Variants in CTNNA3 observed in about 807,000 individuals in gnomAD.
CTNNA3 encodes catenin alpha 3, also known as catenin alpha-3.
CTNNA3 carries 76 observed loss-of-function variants against 95.7 expected under a neutral mutation model. The ratio of observed to expected loss-of-function variants is 0.79; its 90% CI spans 0.66 to 0.96. The LOEUF (loss-of-function observed/expected upper bound fraction) is 0.96, where lower values mean the gene tolerates loss of function less well. Ranked by LOEUF, CTNNA3 falls within the 40% of genes least tolerant of loss-of-function variation. CTNNA3 has a pLI of 0.00. For missense variants in CTNNA3, 1,191 were observed against 1,089.8 expected (o/e 1.09, Z -1.31); for synonymous variants, 431 against 374.4 (o/e 1.15, Z -1.74).
chr10:67,591,797 A>G (rs1209706901), intron 3 of CTNNA3, among the ~76,000 whole-genome samples: 1 of 152,174 alleles, frequency 6.6e-6, no homozygotes, highest in Non-Finnish European at 1.5e-5. Flanking sequence ...TCTCCAAAAT[A>G]AATGAAAGAC....
intron 9 of CTNNA3, among the ~76,000 whole-genome samples, chr10:66,693,661 C>T (rs200531043): frequency 0.18 from 26,604 of 151,248 alleles, 2,977 homozygotes; most frequent in East Asian, 0.33. Flanking sequence ...AATATACATT[C>T]TTTTCAGCAC....
chr10:66,160,204 C>T (rs919336416), intron 13 of CTNNA3, among the ~76,000 whole-genome samples: 1 of 151,602 alleles, frequency 6.6e-6, no homozygotes, highest in Non-Finnish European at 1.5e-5. Context: ...TTCGTTATTT[C>T]CTTTCTTCTG....
chr10:66,627,473 C>T, intron 9 of CTNNA3, among the ~76,000 whole-genome samples: 1 of 302 alleles, frequency 3.3e-3, no homozygotes, highest in East Asian at 0.071. Context: ...TCCATAAAGT[C>T]TTTATTTCTT....
chr10:66,795,574 G>A (rs1191890737), intron 7 of CTNNA3, among the ~76,000 whole-genome samples: 1 of 152,060 alleles, frequency 6.6e-6, no homozygotes, highest in African/African-American at 2.4e-5. Flanking sequence ...AATGGTAAAC[G>A]AGCACTGGTT....
intron 6 of CTNNA3, among the ~76,000 whole-genome samples, chr10:67,188,569 C>T (rs1862971696): frequency 6.6e-6 from 1 of 151,990 alleles, no homozygotes; most frequent in Non-Finnish European, 1.5e-5. Flanking sequence ...ATACAGCTAT[C>T]ATGAAAAACA....
At chr10:66,039,185 C>T (rs1038667584) in intron 15 of CTNNA3, among the ~76,000 whole-genome samples, 1 of 152,082 alleles carries the variant, frequency 6.6e-6, no homozygotes, top group Non-Finnish European at 1.5e-5. Flanking sequence ...ATACAGGCAG[C>T]CAGGGAGGTG....
At chr10:66,012,331 G>T (rs1031323622) in intron 15 of CTNNA3, among the ~76,000 whole-genome samples, 30 of 152,082 alleles carry the variant, frequency 2.0e-4, no homozygotes, top group African/African-American at 7.2e-4. Context: ...TTGAAGGAAA[G>T]AATAATGTCT....
chr10:67,118,515 C>T (rs1392694044), intron 7 of CTNNA3, among the ~76,000 whole-genome samples: 1 of 151,924 alleles, frequency 6.6e-6, no homozygotes, highest in Non-Finnish European at 1.5e-5. Context: ...TCCCTTTTCA[C>T]AAGAAAGATG....
chr10:67,536,169 AAAG>A (rs1249536223), intron 4 of CTNNA3, among the ~76,000 whole-genome samples: 1 of 152,182 alleles, frequency 6.6e-6, no homozygotes, highest in Non-Finnish European at 1.5e-5. Flanking sequence ...TTTACCATAT[AAAG>A]AACATCCAAA....
At chr10:67,006,288 G>T (rs1245348850) in intron 7 of CTNNA3, among the ~76,000 whole-genome samples, 1 of 152,070 alleles carries the variant, frequency 6.6e-6, no homozygotes, top group East Asian at 1.9e-4. Flanking sequence ...TAACTATTAA[G>T]TGGTGTGATA....
intron 7 of CTNNA3, among the ~76,000 whole-genome samples, chr10:66,840,757 AT>A (rs1843040497): frequency 6.6e-6 from 1 of 151,532 alleles, no homozygotes; most frequent in African/African-American, 2.4e-5. Context: ...TACATCTTCA[AT>A]TTCATATTTG....
At chr10:67,214,440 C>A (rs1202373354) in intron 6 of CTNNA3, among the ~76,000 whole-genome samples, 1 of 151,726 alleles carries the variant, frequency 6.6e-6, no homozygotes, top group Non-Finnish European at 1.5e-5. Flanking sequence ...CCTAATTATA[C>A]ACTGTGTTTC....
At chr10:67,523,438 G>A (rs1432381624) in intron 4 of CTNNA3, among the ~76,000 whole-genome samples, 3 of 152,120 alleles carry the variant, frequency 2.0e-5, no homozygotes, top group Admixed American at 1.3e-4. Context: ...CTATAATTGA[G>A]TAAACTGGGT....
intron 7 of CTNNA3, among the ~76,000 whole-genome samples, chr10:66,893,940 G>A (rs962097513): frequency 6.6e-6 from 1 of 152,028 alleles, no homozygotes; most frequent in Non-Finnish European, 1.5e-5. Flanking sequence ...AATGCTGTAA[G>A]AAAAGCAATA....
In CTNNA3 at chr10:66,720,140, A is replaced by T. The variant is rs534450004; in HGVS notation, c.1281+46124T>A. On this transcript the variant is annotated intron_variant, in intron 9 of 17. Coordinates refer to ENST00000433211, the MANE Select transcript of CTNNA3 (RefSeq NM_013266.4). ...TGATTTGAGATGTCTCACGATGCTA[A>T]GGAAAATATTGGAAAGACCTTCTCT... Among the ~76,000 whole-genome samples, 93 of 152,218 alleles carry T rather than the reference A, an allele frequency of 6.1e-4. 1 individual carries two copies. Among genetic ancestry groups the T allele is most frequent in the African/African-American group, 2.1e-3 (87 of 41,558 alleles).
chr10:66,830,970 AG>A (rs1842702454), intron 7 of CTNNA3, among the ~76,000 whole-genome samples: 2 of 152,230 alleles, frequency 1.3e-5, no homozygotes, highest in South Asian at 2.1e-4. Context: ...GGGAAAAAAA[AG>A]AATTTTTGTT....
At chr10:66,687,905 A>G (rs1241403324) in intron 9 of CTNNA3, among the ~76,000 whole-genome samples, 1 of 152,160 alleles carries the variant, frequency 6.6e-6, no homozygotes, top group East Asian at 1.9e-4. Context: ...GAGGTCAATT[A>G]TACTATAGAG....
At chr10:67,705,521 C>T (rs1370047138) in intron 1 of CTNNA3, among the ~76,000 whole-genome samples, 4 of 148,644 alleles carry the variant, frequency 2.7e-5, no homozygotes, top group East Asian at 2.0e-4. Flanking sequence ...AGTAAACTAT[C>T]GCAAGAACAA....
chr10:66,725,833 A>G (rs1848763835), intron 9 of CTNNA3, among the ~76,000 whole-genome samples: 1 of 152,124 alleles, frequency 6.6e-6, no homozygotes. Context: ...TTGTAACACA[A>G]TGATTTTCAC....
Sources: allele counts gnomAD v4.1 joint callset (sites outside exome capture counted in the v4.1 genomes callset), GRCh38; gene constraint gnomAD v4.1.1; transcripts MANE v1.5; gene names NCBI Gene and HGNC (gene_info 2026-07-23, HGNC 2026-07-21).